FAR2: variants seen among roughly 807,000 people sequenced by gnomAD.
FAR2 encodes the protein fatty acyl-CoA reductase 2.
FAR2 carries 19 observed loss-of-function variants against 56.0 expected under a neutral mutation model. The ratio of observed to expected loss-of-function variants is 0.34; its 90% CI spans 0.24 to 0.50. The LOEUF is 0.50. Ranked by LOEUF, FAR2 falls within the 20% of genes least tolerant of loss-of-function variation. The probability of loss-of-function intolerance (pLI) is 0.98; values close to 1 mark genes in which losing one functional copy is unlikely to be tolerated. For missense variants in FAR2, 508 were observed against 642.2 expected, an observed-to-expected ratio of 0.79 and a Z score of 2.26; for synonymous variants, 219 against 218.8, an observed-to-expected ratio of 1.00 and a Z score of -0.01.
At position 29,265,642 on chromosome 12, in the gene FAR2, C is replaced by A. The variant is rs538852905; in HGVS notation, c.-38-4770C>A. Among the ~76,000 whole-genome samples, 5 of 148,304 alleles carry A rather than the reference C, an allele frequency of 3.4e-5. No homozygotes were observed. The East Asian group carries it at 8.4e-4, about 25-fold the overall frequency. The stretch of plus-strand genomic sequence containing the variant: ...GCAAAGATTTCTTGAGTAATACCCA[C>A]AAACAGAAGCAAAAATGCACAAATG... On this transcript the variant is annotated intron_variant, in intron 1 of 11. Transcript: ENST00000536681.
intron 1 of FAR2, among the ~76,000 whole-genome samples, chr12:29,262,566 G>A (rs1948438722): frequency 6.6e-6 from 1 of 152,160 alleles, no homozygotes; most frequent in Admixed American, 6.6e-5. Flanking sequence ...GGAAGCAGAG[G>A]TTGTGGTGAG....
At chr12:29,291,572 T>C in intron 2 of FAR2, 1 of 419,512 alleles carries the variant, frequency 2.4e-6, no homozygotes, top group Non-Finnish European at 4.8e-6. Flanking sequence ...TGGTGTGAAA[T>C]ACAGATTCCT....
At chr12:29,212,561 G>A (rs1947563596) in intron 1 of FAR2, among the ~76,000 whole-genome samples, 1 of 151,870 alleles carries the variant, frequency 6.6e-6, no homozygotes, top group South Asian at 2.1e-4. Context: ...ATATATAGAT[G>A]ACCCCCAAAT....
chr12:29,321,652 G>A (rs1334899701), intron 9 of FAR2, 143 bp from the exon 10 acceptor site: 7 of 922,872 alleles, frequency 7.6e-6, no homozygotes. Context: ...AATGTGGAAG[G>A]AGAAAAAAGA....
chr12:29,232,138 C>T (rs553615955), intron 1 of FAR2, among the ~76,000 whole-genome samples: 1 of 152,162 alleles, frequency 6.6e-6, no homozygotes, highest in Non-Finnish European at 1.5e-5. Flanking sequence ...CAAGACTGAA[C>T]TATTTGGTAG....
At chr12:29,253,689 A>T (rs1409758911) in intron 1 of FAR2, among the ~76,000 whole-genome samples, 1 of 152,196 alleles carries the variant, frequency 6.6e-6, no homozygotes, top group Non-Finnish European at 1.5e-5. Flanking sequence ...AATAAAAAGC[A>T]TCAAAATTTA....
intron 1 of FAR2, among the ~76,000 whole-genome samples, chr12:29,220,759 CA>C (rs1381870269): frequency 6.6e-6 from 1 of 151,954 alleles, no homozygotes; most frequent in Non-Finnish European, 1.5e-5. Flanking sequence ...GACCAAGGGA[CA>C]AAAGGCACAG....
At position 29,260,389 on chromosome 12, in the gene FAR2, C is replaced by T. The variant is rs555925500; in HGVS notation, c.-38-10023C>T. ...TAAAATCATGGACACAACTCCTCTG[C>T]CACCTCCTCATGACAATTGGGTAAT... On this transcript the variant is annotated intron_variant, in intron 1 of 11. Transcript: ENST00000536681. Among the ~76,000 whole-genome samples the T allele has an allele frequency of 2.0e-5, 3 of 152,292 alleles. 1 individual carries two copies. Among genetic ancestry groups the T allele is most frequent in the South Asian group, 2.1e-4 (1 of 4,830 alleles).
At position 29,317,019 on chromosome 12, in the gene FAR2, A is replaced by G. The variant is rs202077993; in HGVS notation, c.1127+7A>G. On this transcript the variant is annotated splice_region_variant and intron_variant, in intron 9 of 11. Transcript: ENST00000536681. ...TCACTGGAAGGAAGCCCAGGTGAGA[A>G]GCTGAGTCAATGGCTTTGAGAGTGT... 1.9e-6 allele frequency: 3 copies of G among 1,610,578 alleles called. No homozygotes were observed. In the African/African-American group the frequency reaches 4.0e-5, roughly 22 times the overall value.
At chr12:29,244,768 AT>A (rs1299073009) in intron 1 of FAR2, among the ~76,000 whole-genome samples, 1 of 152,232 alleles carries the variant, frequency 6.6e-6, no homozygotes, top group African/African-American at 2.4e-5. Context: ...GACAGAACTT[AT>A]TCATTCAATT....
At chr12:29,156,750 C>T (rs1949730787) in intron 1 of FAR2, 1 of 152,002 alleles carries the variant, frequency 6.6e-6, no homozygotes, top group Admixed American at 6.6e-5. Flanking sequence ...CCACCTTAAA[C>T]CTACTGAATC....
At chr12:29,172,377 T>A (rs1474946786) in intron 1 of FAR2, among the ~76,000 whole-genome samples, 1 of 152,214 alleles carries the variant, frequency 6.6e-6, no homozygotes, top group African/African-American at 2.4e-5. Flanking sequence ...TACTTTTTAA[T>A]TAAAAGTTTA....
intron 1 of FAR2, among the ~76,000 whole-genome samples, chr12:29,253,223 ATC>A (rs1309541549): frequency 7.0e-6 from 1 of 143,054 alleles, no homozygotes; most frequent in African/African-American, 2.7e-5. Context: ...ATATATCGAT[ATC>A]TATCTAGATA....
chr12:29,247,896 A>G (rs1948153336), intron 1 of FAR2, among the ~76,000 whole-genome samples: 1 of 152,190 alleles, frequency 6.6e-6, no homozygotes, highest in Non-Finnish European at 1.5e-5. Flanking sequence ...TTTACACTAC[A>G]TTTTTCAACA....
chr12:29,155,235 C>T (rs1409397755), intron 1 of FAR2, among the ~76,000 whole-genome samples: 1 of 152,214 alleles, frequency 6.6e-6, no homozygotes, highest in Non-Finnish European at 1.5e-5. Flanking sequence ...CCTCTTAGGT[C>T]CCGTGGTAGG....
intron 1 of FAR2, among the ~76,000 whole-genome samples, chr12:29,257,672 G>C (rs997041626): frequency 6.6e-6 from 1 of 151,240 alleles, no homozygotes; most frequent in East Asian, 1.9e-4. Flanking sequence ...CAGACGCGCC[G>C]CCTTAAGAGC....
chr12:29,299,687 T>C (rs1949129309), intron 4 of FAR2, among the ~76,000 whole-genome samples: 1 of 152,232 alleles, frequency 6.6e-6, no homozygotes, highest in Non-Finnish European at 1.5e-5. Flanking sequence ...AATTAGGACA[T>C]CCAGGACCAC....
Position 29,185,026 on chromosome 12 carries a change from T to C in FAR2, c.-39+35619T>C, listed in dbSNP as rs567896383. ...TTAATAAAATGGAAGTGATAATGTC[T>C]GTTTCATAGGGTTCTTTCAATTCCT... is the stretch of plus-strand genomic sequence containing the variant. On this transcript the variant is annotated intron_variant, in intron 1 of 11. Coordinates refer to ENST00000536681, the MANE Select transcript of FAR2 (RefSeq NM_001271783.2). 2.6e-5 allele frequency among the ~76,000 whole-genome samples: 4 copies of C among 152,320 alleles called. No homozygotes were observed. In the East Asian group the frequency reaches 7.7e-4, roughly 29 times the overall value.
chr12:29,259,046 G>A (rs1337393096), intron 1 of FAR2, among the ~76,000 whole-genome samples: 2 of 152,194 alleles, frequency 1.3e-5, no homozygotes, highest in African/African-American at 4.8e-5. Context: ...GGTCATGTTT[G>A]TACTTAGCTT....
Sources: gnomAD v4.1 joint callset for allele counts (sites outside exome capture counted in the v4.1 genomes callset) on GRCh38, gnomAD v4.1.1 for gene constraint, MANE v1.5 for transcripts, NCBI Gene and HGNC (gene_info 2026-07-23, HGNC 2026-07-21) for gene names.